TNIP3: variants seen among roughly 807,000 people sequenced by gnomAD.
The protein encoded by TNIP3 is TNFAIP3 interacting protein 3, also known as TNFAIP3-interacting protein 3.
In TNIP3, 34 loss-of-function variants were observed where a neutral mutation model predicts 54.1. That is an observed-to-expected ratio of 0.63 (90% CI 0.48 to 0.84). The LOEUF is 0.84. Among genes scored for constraint, TNIP3 ranks in the 40% least tolerant of loss-of-function variants. TNIP3 has a pLI of 0.00. For synonymous variants in TNIP3, 134 were observed against 136.8 expected (o/e 0.98, Z 0.14); for missense variants, 366 against 387.6 (o/e 0.94, Z 0.47).
intron 2 of TNIP3, among the ~76,000 whole-genome samples, chr4:121,206,401 G>T (rs1259203720): frequency 6.6e-6 from 1 of 152,128 alleles, no homozygotes; most frequent in Admixed American, 6.6e-5. Context: ...AGTTAAATTT[G>T]ATGATAATCA....
At chr4:121,152,943 G>A (rs949985930) in intron 5 of TNIP3, among the ~76,000 whole-genome samples, 27 of 151,944 alleles carry the variant, frequency 1.8e-4, no homozygotes, top group South Asian at 4.1e-4. Context: ...TTAGTAGCTA[G>A]AAAACAAATA....
upstream of TNIP3, among the ~76,000 whole-genome samples, chr4:121,217,581 C>A (rs1324846794): frequency 1.3e-5 from 2 of 152,052 alleles, no homozygotes; most frequent in Non-Finnish European, 2.9e-5. Context: ...GGACCACCAA[C>A]TAGTAGAGCT....
chr4:121,181,624 GGTGTGTGTGT>G (rs3028475), intron 3 of TNIP3, among the ~76,000 whole-genome samples: 1,620 of 148,666 alleles, frequency 0.011, 31 homozygotes, highest in African/African-American at 0.036. Context: ...TAATAAGACA[GGTGTGTGTGT>G]GTGTGTGTGT....
At chr4:121,227,259 C>T (rs1350300834) in intron 1 of TNIP3, 1 of 735,384 alleles carries the variant, frequency 1.4e-6, no homozygotes, top group East Asian at 2.8e-5. Flanking sequence ...TTACTGAGTT[C>T]CTGATCAGTT....
chr4:121,154,464 CA>C, intron 5 of TNIP3, 86 bp downstream of exon 5: 1 of 1,536,552 alleles, frequency 6.5e-7, no homozygotes. Context: ...ACCCACACTG[CA>C]GCCTAGATTT....
chr4:121,202,318 A>ACTCC (rs1725937234), intron 2 of TNIP3, among the ~76,000 whole-genome samples: 2 of 152,072 alleles, frequency 1.3e-5, no homozygotes, highest in Non-Finnish European at 2.9e-5. Context: ...TGGGGAAAGG[A>ACTCC]CTCCCTATTC....
intron 2 of TNIP3, among the ~76,000 whole-genome samples, chr4:121,199,845 G>T (rs563319622): frequency 5.0e-4 from 76 of 152,328 alleles, no homozygotes; most frequent in African/African-American, 1.7e-3. Context: ...GAGGACGGTT[G>T]TGTAGGTTGC....
At chr4:121,166,958 T>C (rs1730801387), upstream of TNIP3, among the ~76,000 whole-genome samples, 1 of 152,160 alleles carries the variant, frequency 6.6e-6, no homozygotes, top group East Asian at 1.9e-4. Flanking sequence ...CCTTTGGTCA[T>C]CTAAGATGCT....
upstream of TNIP3, chr4:121,227,479 T>C (rs1230188227): frequency 8.7e-7 from 1 of 1,151,454 alleles, no homozygotes. Flanking sequence ...AATCAAACAG[T>C]AACTAAGTGG....
At chr4:121,166,072 C>T (rs1050945825), upstream of TNIP3, among the ~76,000 whole-genome samples, 11 of 152,116 alleles carry the variant, frequency 7.2e-5, no homozygotes, top group Admixed American at 3.3e-4. Context: ...GTGGGAAGAA[C>T]ATTTTCTTGC....
intron 3 of TNIP3, among the ~76,000 whole-genome samples, chr4:121,175,881 G>A (rs1342239818): frequency 6.6e-6 from 1 of 152,164 alleles, no homozygotes; most frequent in Non-Finnish European, 1.5e-5. Flanking sequence ...ACAGACCTAT[G>A]TCTCTGTTTT....
chr4:121,178,880 C>A (rs1724518260), intron 3 of TNIP3, among the ~76,000 whole-genome samples: 1 of 152,058 alleles, frequency 6.6e-6, no homozygotes, highest in Admixed American at 6.5e-5. Flanking sequence ...ATCCATGAGT[C>A]TCTCATAATC....
intron 3 of TNIP3, among the ~76,000 whole-genome samples, chr4:121,176,314 G>A (rs77195037): frequency 0.051 from 7,823 of 152,236 alleles, 320 homozygotes; most frequent in African/African-American, 0.11. Flanking sequence ...TCAGCCAGGT[G>A]TCCAAAGGTT....
upstream of TNIP3, among the ~76,000 whole-genome samples, chr4:121,166,081 G>T (rs1338931959): frequency 6.6e-6 from 1 of 152,168 alleles, no homozygotes; most frequent in Non-Finnish European, 1.5e-5. Context: ...ACATTTTCTT[G>T]CCAGGAAATA....
intron 2 of TNIP3, among the ~76,000 whole-genome samples, chr4:121,214,812 A>G (rs1726693264): frequency 6.6e-6 from 1 of 152,208 alleles, no homozygotes; most frequent in South Asian, 2.1e-4. Flanking sequence ...CAATTTTACT[A>G]ATATTTTATT....
intron 2 of TNIP3, among the ~76,000 whole-genome samples, chr4:121,197,315 G>T (rs536407056): frequency 6.6e-6 from 1 of 152,068 alleles, no homozygotes; most frequent in Admixed American, 6.6e-5. Context: ...ATCACCTGAC[G>T]TCAGGAGTTC....
intron 2 of TNIP3, among the ~76,000 whole-genome samples, chr4:121,186,174 A>T (rs561266625): frequency 1.3e-5 from 2 of 152,316 alleles, no homozygotes; most frequent in South Asian, 4.1e-4. Context: ...CCACTGCAGA[A>T]AGAGGAGAAG....
At chr4:121,205,617 G>A (rs1238504136) in intron 2 of TNIP3, among the ~76,000 whole-genome samples, 2 of 152,094 alleles carry the variant, frequency 1.3e-5, no homozygotes. Flanking sequence ...GGCTAGGGAT[G>A]CTAGTGGTTT....
intron 6 of TNIP3, among the ~76,000 whole-genome samples, chr4:121,148,339 C>T (rs1023688627): frequency 3.3e-5 from 5 of 152,168 alleles, no homozygotes; most frequent in South Asian, 2.1e-4. Flanking sequence ...TGCAAAACTA[C>T]GGAGATGGAT....
Sources: allele counts gnomAD v4.1 joint callset (sites outside exome capture counted in the v4.1 genomes callset), GRCh38; gene constraint gnomAD v4.1.1; transcripts MANE v1.5; gene names NCBI Gene and HGNC (gene_info 2026-07-23, HGNC 2026-07-21).